Variants in GALNT14 observed in about 807,000 individuals in gnomAD.
GALNT14 encodes the protein UDP-GalNAc:polypeptide N-acetylgalactosaminyltransferase 14.
A neutral mutation model predicts 77.5 loss-of-function variants in GALNT14; 60 were observed. The ratio of observed to expected loss-of-function variants is 0.77; its 90% CI spans 0.63 to 0.96. The LOEUF is 0.96. Among genes scored for constraint, GALNT14 ranks in the 40% least tolerant of loss-of-function variants. The pLI, the probability that GALNT14 is intolerant of heterozygous loss-of-function variation, is 0.00. For synonymous variants in GALNT14, 280 were observed against 281.7 expected, an observed-to-expected ratio of 0.99 and a Z score of 0.06; for missense variants, 710 against 731.0, an observed-to-expected ratio of 0.97 and a Z score of 0.33.
At chr2:31,037,901 TG>T (rs1347366769) in intron 1 of GALNT14, among the ~76,000 whole-genome samples, 1 of 151,700 alleles carries the variant, frequency 6.6e-6, no homozygotes, top group African/African-American at 2.4e-5. Context: ...CAGCCAAAGG[TG>T]AAAGATTAGA....
intron 1 of GALNT14, among the ~76,000 whole-genome samples, chr2:31,036,798 C>CT (rs1443361827): frequency 6.6e-6 from 1 of 152,136 alleles, no homozygotes; most frequent in Non-Finnish European, 1.5e-5. Flanking sequence ...CAGTCTTTTT[C>CT]TTTCAGCATT....
chr2:31,084,629 G>C (rs72793400), intron 1 of GALNT14, among the ~76,000 whole-genome samples: 2,159 of 152,310 alleles, frequency 0.014, 26 homozygotes, highest in Non-Finnish European at 0.025. Context: ...GGGTCTCTCT[G>C]CTCCTTGGTA....
At chr2:30,938,548 C>T (rs1666197126) in intron 9 of GALNT14, among the ~76,000 whole-genome samples, 1 of 152,216 alleles carries the variant, frequency 6.6e-6, no homozygotes, top group South Asian at 2.1e-4. Flanking sequence ...GAAAAAAAAT[C>T]TAAAAGCCAC....
intron 2 of GALNT14, among the ~76,000 whole-genome samples, chr2:30,989,950 A>T (rs1378926619): frequency 1.3e-5 from 2 of 151,988 alleles, no homozygotes; most frequent in African/African-American, 4.8e-5. Flanking sequence ...GCTTTTAAAA[A>T]GAAGGCTTGG....
downstream of GALNT14, among the ~76,000 whole-genome samples, chr2:30,907,375 G>T (rs934105066): frequency 6.6e-6 from 1 of 152,042 alleles, no homozygotes. Flanking sequence ...TGATAAAGGG[G>T]ATATCACCAC....
chr2:31,119,384 T>C (rs1250730217), intron 1 of GALNT14, among the ~76,000 whole-genome samples: 4 of 151,868 alleles, frequency 2.6e-5, no homozygotes, highest in Non-Finnish European at 5.9e-5. Flanking sequence ...AACCGTACAG[T>C]AGAAAAATAG....
chr2:31,137,937 G>C (rs776439432), intron 1 of GALNT14, 21 bp downstream of exon 1: 372 of 1,600,478 alleles, frequency 2.3e-4, no homozygotes, highest in Non-Finnish European at 1.9e-4. Flanking sequence ...CTCAGCGCCA[G>C]CGCGCCGGCA....
rs1676994760 is a variant in GALNT14 at position 31,096,177 on chromosome 2, C to G, written c.129+41781G>C. Among the ~76,000 whole-genome samples, 3 of 152,156 alleles carry G rather than the reference C, an allele frequency of 2.0e-5. No individual in the cohort carries two copies. The South Asian group carries it at 6.2e-4, about 32-fold the overall frequency. On this transcript the variant is annotated intron_variant, in intron 1 of 14. Transcript: ENST00000349752. Reference sequence around the variant, plus strand: ...CTTTTAAGGACTCTTGTGATTACATCAGACTCACCTGGGTAGTCCAAGATA... The same window carrying G: ...CTTTTAAGGACTCTTGTGATTACATGAGACTCACCTGGGTAGTCCAAGATA...
chr2:31,077,112 C>T (rs1468368628), intron 1 of GALNT14, among the ~76,000 whole-genome samples: 1 of 152,200 alleles, frequency 6.6e-6, no homozygotes, highest in East Asian at 1.9e-4. Flanking sequence ...CTATTACAAA[C>T]ATCACCCCAT....
At chr2:30,997,866 T>C (rs955193523) in intron 1 of GALNT14, among the ~76,000 whole-genome samples, 3 of 152,230 alleles carry the variant, frequency 2.0e-5, no homozygotes, top group Admixed American at 6.5e-5. Flanking sequence ...TTTTGAAATA[T>C]GCAATATATT....
intron 2 of GALNT14, among the ~76,000 whole-genome samples, chr2:30,987,256 C>T (rs768773075): frequency 6.6e-6 from 1 of 152,138 alleles, no homozygotes; most frequent in African/African-American, 2.4e-5. Context: ...ACATCAAATG[C>T]ATGTAAGGGG....
chr2:30,941,953 T>C (rs902536101), intron 9 of GALNT14, among the ~76,000 whole-genome samples: 1 of 152,244 alleles, frequency 6.6e-6, no homozygotes. Flanking sequence ...CGTGTTTCCC[T>C]GGTTCTCAAC....
chr2:30,970,232 G>C (rs1398750240), intron 2 of GALNT14, among the ~76,000 whole-genome samples: 1 of 152,174 alleles, frequency 6.6e-6, no homozygotes, highest in East Asian at 1.9e-4. Context: ...TGAGAGGCAA[G>C]AGGAGGAGCA....
At position 30,911,116 on chromosome 2, in the gene GALNT14, C is replaced by A. The variant is rs889110212; in HGVS notation, c.1501-57G>T. 1.7e-5 allele frequency: 26 copies of A among 1,540,378 alleles called. No homozygotes were observed. In the African/African-American group the frequency reaches 3.1e-4, roughly 19 times the overall value. ...AGGTGCCATCAGTAACATGGGAGTT[C>A]CAGCTTTATCAGAAAGGTAGGTGCC... On this transcript the variant is annotated intron_variant, in intron 14 of 14. Transcript: ENST00000349752.
rs1221740267 is a variant in GALNT14 at position 30,944,244 on chromosome 2, C to G, written c.827+614G>C. ...GTGACCACTATGCTCTACTCTACCCCAAGCCCTCAGTTGGTCCCCAGGCCC... is the reference window on the plus strand; with the variant it reads ...GTGACCACTATGCTCTACTCTACCCGAAGCCCTCAGTTGGTCCCCAGGCCC... On this transcript the variant is annotated intron_variant, in intron 8 of 14. Transcript: ENST00000349752. Among the ~76,000 whole-genome samples the G allele has an allele frequency of 4.6e-5, 7 of 152,194 alleles. 2 individuals are homozygous for G. In the South Asian group the frequency reaches 8.3e-4, roughly 18 times the overall value.
chr2:30,955,958 G>A lies in GALNT14; in HGVS notation c.486C>T (p.Leu162=), dbSNP rs776280944. 5.6e-6 allele frequency: 9 copies of A among 1,614,078 alleles called. No individual in the cohort carries two copies. Among genetic ancestry groups the A allele is most frequent in the Non-Finnish European group, 7.6e-6 (9 of 1,180,044 alleles). Residue 162 remains leucine (L), a synonymous_variant, in exon 5 of 15, where the codon CTC becomes CTT. Transcript: ENST00000349752. Reference sequence around the variant, plus strand: ...AGCATTTCACCTTGGGCAACTTGATGAGCTGTTTACAGTCATCAGCTGCAA... The same window carrying A: ...AGCATTTCACCTTGGGCAACTTGATAAGCTGTTTACAGTCATCAGCTGCAA... ...FSNDPDDCKQ[L]IKLPKVKCLR...
In GALNT14 at chr2:31,138,085, ATGGTCCCCTT is replaced by A; in HGVS notation, c.-9_1del. Reference sequence around the variant, plus strand: ...AACCAGCCGACGAGTCAGGCGCCGCATGGTCCCCTTTGCCGCTTCCTCTCCGCGGCGCTAC... The same window carrying A: ...AACCAGCCGACGAGTCAGGCGCCGCATGCCGCTTCCTCTCCGCGGCGCTAC... On this transcript the variant is annotated start_lost and start_retained_variant and 5_prime_UTR_variant, in exon 1 of 15. Coordinates refer to ENST00000349752, the MANE Select transcript of GALNT14 (RefSeq NM_024572.4). The A allele has an allele frequency of 6.2e-7, 1 of 1,613,546 alleles. No individual in the cohort carries two copies. The highest frequency in any genetic ancestry group is 8.5e-7 in the Non-Finnish European group (1 of 1,179,712).
chr2:31,137,219 T>C (rs1679264125), intron 1 of GALNT14, among the ~76,000 whole-genome samples: 1 of 152,216 alleles, frequency 6.6e-6, no homozygotes, highest in South Asian at 2.1e-4. Flanking sequence ...GTTTTCCCTT[T>C]CCCCCTACAG....
intron 1 of GALNT14, among the ~76,000 whole-genome samples, chr2:31,083,233 T>C (rs758714978): frequency 6.6e-6 from 1 of 152,128 alleles, no homozygotes; most frequent in Non-Finnish European, 1.5e-5. Flanking sequence ...TGGCATGGGT[T>C]GGGTCAGAAC....
Sources: allele counts gnomAD v4.1 joint callset (sites outside exome capture counted in the v4.1 genomes callset), GRCh38; gene constraint gnomAD v4.1.1; transcripts MANE v1.5; gene names NCBI Gene and HGNC (gene_info 2026-07-23, HGNC 2026-07-21).